LARS2: variants seen among roughly 807,000 people sequenced by gnomAD.
LARS2 encodes leucine--tRNA ligase, mitochondrial.
In LARS2, 81 loss-of-function variants were observed where a neutral mutation model predicts 116.6. The observed-to-expected ratio is 0.69, with a 90% CI of 0.58 to 0.84. The LOEUF (loss-of-function observed/expected upper bound fraction) is 0.84. Ranked by LOEUF, LARS2 falls within the 40% of genes least tolerant of loss-of-function variation. LARS2 has a pLI of 0.00. For synonymous variants in LARS2, 396 were observed against 407.2 expected (o/e 0.97, Z 0.33); for missense variants, 968 against 1,114.5 (o/e 0.87, Z 1.87).
intron 8 of LARS2, among the ~76,000 whole-genome samples, chr3:45,461,751 A>G (rs1279820084): frequency 6.6e-6 from 1 of 152,180 alleles, no homozygotes; most frequent in African/African-American, 2.4e-5. Context: ...GGCAAAATCC[A>G]TAGAGCTTGG....
At chr3:45,448,549 A>T (rs1279091195) in intron 7 of LARS2, among the ~76,000 whole-genome samples, 1 of 152,248 alleles carries the variant, frequency 6.6e-6, no homozygotes. Context: ...GGGGTCTCAC[A>T]GCCTTCAGAG....
At chr3:45,511,194 A>G (rs954784032) in intron 15 of LARS2, among the ~76,000 whole-genome samples, 56 of 152,292 alleles carry the variant, frequency 3.7e-4, no homozygotes, top group African/African-American at 1.0e-3. Flanking sequence ...AAGAGCTTCA[A>G]CTGTCAAGTT....
intron 15 of LARS2, among the ~76,000 whole-genome samples, chr3:45,510,307 G>T (rs1229836421): frequency 6.6e-6 from 1 of 152,008 alleles, no homozygotes; most frequent in African/African-American, 2.4e-5. Context: ...CCAGCTGCTT[G>T]CAGGGGTAAG....
intron 10 of LARS2, among the ~76,000 whole-genome samples, chr3:45,482,229 A>C (rs564062792): frequency 6.6e-6 from 1 of 152,100 alleles, no homozygotes; most frequent in African/African-American, 2.4e-5. Context: ...TATCAACTCA[A>C]TGTACCTTAA....
At chr3:45,492,325 G>A (rs543433599) in intron 13 of LARS2, among the ~76,000 whole-genome samples, 1 of 152,238 alleles carries the variant, frequency 6.6e-6, no homozygotes, top group South Asian at 2.1e-4. Flanking sequence ...TTTGGAAGTG[G>A]GATTATGTTT....
At chr3:45,486,163 A>AC (rs1575285451) in intron 11 of LARS2, among the ~76,000 whole-genome samples, 1 of 152,164 alleles carries the variant, frequency 6.6e-6, no homozygotes, top group East Asian at 1.9e-4. Flanking sequence ...TAAAAAAAAA[A>AC]GGAAGAAAAG....
rs1700802231 is a variant in LARS2, at chr3:45,541,839, G to T, written c.2415G>T (p.Leu805=). The T allele has an allele frequency of 2.5e-6, 4 of 1,614,156 alleles. No individual in the cohort carries two copies. The highest frequency in any genetic ancestry group is 3.4e-6 in the Non-Finnish European group (4 of 1,180,004). The change falls in exon 21 of 22, where the codon CTG becomes CTT. Residue 805 remains leucine (L), a synonymous_variant. Coordinates refer to ENST00000645846, the MANE Select transcript of LARS2 (RefSeq NM_015340.4). The part of the protein sequence containing the change: ...VTSEIWAGLA[L]VPRKLCAHYT... ...GCCTCGGCATTGCAGGCCTGGCGCTGGTGCCGAGGAAGCTCTGTGCCCACT... is the reference window on the plus strand; with the variant it reads ...GCCTCGGCATTGCAGGCCTGGCGCTTGTGCCGAGGAAGCTCTGTGCCCACT...
At chr3:45,411,819 T>A in intron 4 of LARS2, among the ~76,000 whole-genome samples, 1 of 152,160 alleles carries the variant, frequency 6.6e-6, no homozygotes, top group Non-Finnish European at 1.5e-5. Flanking sequence ...CCAATAGTTA[T>A]TTTTTCTGCT....
intron 8 of LARS2, among the ~76,000 whole-genome samples, chr3:45,471,101 A>T (rs1285088317): frequency 1.3e-5 from 2 of 151,950 alleles, no homozygotes; most frequent in African/African-American, 2.4e-5. Context: ...ACCCCAAAAA[A>T]ACAAAAATAG....
intron 13 of LARS2, among the ~76,000 whole-genome samples, chr3:45,493,334 C>G (rs113243959): frequency 6.6e-6 from 1 of 152,172 alleles, no homozygotes; most frequent in African/African-American, 2.4e-5. Context: ...CTCCTGACCT[C>G]GTGTTCTGCC....
intron 15 of LARS2, among the ~76,000 whole-genome samples, chr3:45,507,169 G>T (rs991973095): frequency 7.2e-5 from 11 of 151,916 alleles, no homozygotes; most frequent in African/African-American, 2.7e-4. Context: ...TTGCAAGACA[G>T]GAAGATCATT....
intron 15 of LARS2, among the ~76,000 whole-genome samples, chr3:45,503,601 T>G (rs1700153311): frequency 6.6e-6 from 1 of 152,086 alleles, no homozygotes; most frequent in African/African-American, 2.4e-5. Flanking sequence ...CTTTTTCACT[T>G]GTTTTTCATC....
intron 6 of LARS2, 48 bp downstream of exon 6, chr3:45,419,777 TGATGGCAGG>T (rs1265500084): frequency 1.4e-6 from 2 of 1,448,806 alleles, no homozygotes; most frequent in East Asian, 4.5e-5. Flanking sequence ...AGGAAGGACT[TGATGGCAGG>T]GAGCACTCTT....
At chr3:45,535,417 C>G (rs367845732) in intron 20 of LARS2, among the ~76,000 whole-genome samples, 63 of 151,874 alleles carry the variant, frequency 4.1e-4, no homozygotes, top group African/African-American at 1.4e-3. Flanking sequence ...ACAGCGAGCT[C>G]CTTGGTGGTG....
chr3:45,392,925 C>T (rs1697980514), intron 2 of LARS2, among the ~76,000 whole-genome samples: 2 of 152,146 alleles, frequency 1.3e-5, no homozygotes, highest in Middle Eastern at 3.2e-3. Context: ...TCTGTTTTTT[C>T]ACTGTAGCAC....
rs1438453895 is a variant in LARS2, at chr3:45,518,097, G to A, written c.2214+25G>A. ...GGTCAGAAACTCTCCAATTCCAGGG[G>A]TTAACTCTGTAACCAAGCACTCTTT... On this transcript the variant is annotated intron_variant, in intron 18 of 21. Coordinates refer to ENST00000645846, the MANE Select transcript of LARS2 (RefSeq NM_015340.4). 4 of 1,586,916 alleles carry A rather than the reference G, an allele frequency of 2.5e-6. No individual in the cohort carries two copies. In the East Asian group the frequency reaches 9.0e-5, roughly 36 times the overall value.
intron 4 of LARS2, 69 bp from the exon 5 acceptor site, chr3:45,417,413 C>T: frequency 1.7e-6 from 2 of 1,189,388 alleles, no homozygotes; most frequent in Non-Finnish European, 2.5e-6. Context: ...GCTGAGTTTG[C>T]CCCAGAAGAC....
At position 45,513,750 on chromosome 3, in the gene LARS2, G is replaced by A. The variant is rs956791963; in HGVS notation, c.1861+515G>A. ...CCCTGATTCCCCGAACTTCCCTCCT[G>A]TCCCAGCTCTCCCAAGCCTTTTCCT... On this transcript the variant is annotated intron_variant, in intron 16 of 21. Coordinates refer to ENST00000645846, the MANE Select transcript of LARS2 (RefSeq NM_015340.4). Among the ~76,000 whole-genome samples, 9 of 152,126 alleles carry A rather than the reference G, an allele frequency of 5.9e-5. 1 individual carries two copies. In the Middle Eastern group the frequency reaches 0.01, roughly 172 times the overall value.
At chr3:45,475,158 G>A (rs961794931) in intron 9 of LARS2, among the ~76,000 whole-genome samples, 9 of 152,134 alleles carry the variant, frequency 5.9e-5, no homozygotes, top group African/African-American at 1.9e-4. Context: ...TTTCGTCCCC[G>A]TCAAAACCTT....
Sources: allele counts gnomAD v4.1 joint callset (sites outside exome capture counted in the v4.1 genomes callset), GRCh38; gene constraint gnomAD v4.1.1; transcripts MANE v1.5; gene names NCBI Gene and HGNC (gene_info 2026-07-23, HGNC 2026-07-21).